Variants in TMEFF2 observed in about 807,000 individuals in gnomAD.
TMEFF2 encodes the protein tomoregulin-2.
TMEFF2 carries 28 observed loss-of-function variants against 53.8 expected under a neutral mutation model. The ratio of observed to expected loss-of-function variants is 0.52; its 90% CI spans 0.39 to 0.71. TMEFF2 has a LOEUF of 0.71. Ranked by LOEUF, TMEFF2 falls within the 30% of genes least tolerant of loss-of-function variation. TMEFF2 has a pLI of 0.00. For synonymous variants in TMEFF2, 162 were observed against 166.3 expected, an observed-to-expected ratio of 0.97 and a Z score of 0.20; for missense variants, 353 against 455.2, an observed-to-expected ratio of 0.78 and a Z score of 2.04.
Position 192,184,353 on chromosome 2 carries a change from C to T in TMEFF2, c.412+1G>A. ...GGTTTCAAAGAAGATCACACACATACCTGTGGCACATGATCCTTCTGACAC... is the reference window on the plus strand; with the variant it reads ...GGTTTCAAAGAAGATCACACACATATCTGTGGCACATGATCCTTCTGACAC... On this transcript the variant is annotated splice_donor_variant, in intron 3 of 9. Transcript: ENST00000272771. LOFTEE classifies it high-confidence loss of function. 1 of 1,612,962 alleles carries T rather than the reference C, an allele frequency of 6.2e-7. No individual in the cohort carries two copies. Among genetic ancestry groups the T allele is most frequent in the Non-Finnish European group, 8.5e-7 (1 of 1,179,278 alleles).
Position 192,052,097 on chromosome 2 carries a change from G to A in TMEFF2, c.536+5582C>T, listed in dbSNP as rs560101299. On this transcript the variant is annotated intron_variant, in intron 5 of 9. Coordinates refer to ENST00000272771, the MANE Select transcript of TMEFF2 (RefSeq NM_016192.4). ...TGATATCGCTAATGGAGCCTGAGTG[G>A]CATGTAGAGAATACTACAAAAGCAA... 2.0e-5 allele frequency among the ~76,000 whole-genome samples: 3 copies of A among 152,236 alleles called. No individual in the cohort carries two copies. In the South Asian group the frequency reaches 6.2e-4, roughly 32 times the overall value.
At chr2:192,079,277 G>A (rs555415163) in intron 4 of TMEFF2, among the ~76,000 whole-genome samples, 28 of 152,182 alleles carry the variant, frequency 1.8e-4, no homozygotes, top group Non-Finnish European at 3.7e-4. Flanking sequence ...TTACATGATG[G>A]TCTCAGCTTT....
chr2:192,029,409 T>C (rs1194732321), intron 5 of TMEFF2: 1 of 152,170 alleles, frequency 6.6e-6, no homozygotes, highest in Non-Finnish European at 1.5e-5. Context: ...GTATAAACAT[T>C]GTTGTTTTAA....
intron 4 of TMEFF2, among the ~76,000 whole-genome samples, chr2:192,172,657 A>C (rs1690944738): frequency 6.6e-6 from 1 of 151,966 alleles, no homozygotes; most frequent in African/African-American, 2.4e-5. Context: ...AATAGTTGGC[A>C]ATCATTAAGT....
chr2:192,133,920 T>A (rs1223949619), intron 4 of TMEFF2, among the ~76,000 whole-genome samples: 1 of 152,118 alleles, frequency 6.6e-6, no homozygotes, highest in Non-Finnish European at 1.5e-5. Context: ...CCTCAATCCC[T>A]TACAAAACAA....
intron 4 of TMEFF2, among the ~76,000 whole-genome samples, chr2:192,074,274 A>C (rs1446943743): frequency 1.3e-5 from 2 of 152,010 alleles, no homozygotes; most frequent in Non-Finnish European, 2.9e-5. Context: ...ATTTAGTTTT[A>C]ACATTTTAAA....
intron 7 of TMEFF2, among the ~76,000 whole-genome samples, chr2:191,970,300 T>C (rs1163368304): frequency 1.3e-5 from 2 of 151,980 alleles, no homozygotes; most frequent in African/African-American, 4.8e-5. Flanking sequence ...CTGTCTTTGG[T>C]AGATCCATGT....
chr2:191,975,603 G>C (rs1381264765), intron 7 of TMEFF2, among the ~76,000 whole-genome samples: 1 of 151,962 alleles, frequency 6.6e-6, no homozygotes, highest in East Asian at 2.0e-4. Context: ...AACTTCTTTA[G>C]TAGTTTTATT....
intron 4 of TMEFF2, among the ~76,000 whole-genome samples, chr2:192,147,849 CAAAT>C (rs945532076): frequency 2.6e-5 from 4 of 151,830 alleles, no homozygotes; most frequent in East Asian, 1.9e-4. Flanking sequence ...CCCCAAGGTA[CAAAT>C]AAATAGATAC....
intron 5 of TMEFF2, among the ~76,000 whole-genome samples, chr2:192,056,055 TA>T (rs1315358930): frequency 6.6e-6 from 1 of 152,162 alleles, no homozygotes; most frequent in Non-Finnish European, 1.5e-5. Flanking sequence ...AATCTTCACT[TA>T]AAAAATATTT....
intron 7 of TMEFF2, among the ~76,000 whole-genome samples, chr2:191,983,042 C>G (rs1418994314): frequency 6.6e-6 from 1 of 152,118 alleles, no homozygotes; most frequent in Non-Finnish European, 1.5e-5. Context: ...GGTGGGAACT[C>G]TGGCCTCCAG....
intron 5 of TMEFF2, chr2:192,034,700 T>C (rs1376045403): frequency 6.6e-6 from 1 of 152,250 alleles, no homozygotes; most frequent in Admixed American, 6.5e-5. Context: ...ATAGGCATTG[T>C]GGCTCTGGAG....
chr2:191,956,349 T>G lies in TMEFF2; in HGVS notation c.775A>C (p.Arg259=). The change falls in exon 8 of 10, where the codon AGA becomes CGA. Residue 259 remains arginine, a synonymous_variant. Coordinates refer to ENST00000272771, the MANE Select transcript of TMEFF2 (RefSeq NM_016192.4). ...TCCGGACAAGGTATGTGGTGTTCTCTGGCACTTTCTTCTAATTTGTTAGCA... is the reference window on the plus strand; with the variant it reads ...TCCGGACAAGGTATGTGGTGTTCTCGGGCACTTTCTTCTAATTTGTTAGCA... ...ENANKLEESA[R]EHHIPCPEHY... The G allele has an allele frequency of 1.2e-6, 2 of 1,613,884 alleles. 1 individual carries two copies. Among genetic ancestry groups the G allele is most frequent in the Non-Finnish European group, 1.7e-6 (2 of 1,179,914 alleles).
At chr2:192,124,590 C>T (rs1689632798) in intron 4 of TMEFF2, among the ~76,000 whole-genome samples, 1 of 152,148 alleles carries the variant, frequency 6.6e-6, no homozygotes, top group Admixed American at 6.5e-5. Flanking sequence ...CCAGGATCTT[C>T]TGGATGGATA....
Position 191,973,608 on chromosome 2 carries a change from C to A in TMEFF2, c.746-17230G>T, listed in dbSNP as rs574572640. ...GGCTAAAGGCAGAGAACTCCAGAAG[C>A]CATGTGTGTCTCCTAAAAATCTACT... On this transcript the variant is annotated intron_variant, in intron 7 of 9. Transcript: ENST00000272771. Among the ~76,000 whole-genome samples, 8 of 152,122 alleles carry A rather than the reference C, an allele frequency of 5.3e-5. No individual in the cohort carries two copies. In the South Asian group the frequency reaches 1.7e-3, roughly 32 times the overall value.
chr2:192,048,134 T>A (rs755347294), intron 5 of TMEFF2, among the ~76,000 whole-genome samples: 3 of 151,790 alleles, frequency 2.0e-5, no homozygotes, highest in African/African-American at 2.4e-5. Context: ...AGATCACAAA[T>A]GTTAGGACAG....
intron 5 of TMEFF2, among the ~76,000 whole-genome samples, chr2:192,025,376 GTTT>G (rs5837273): frequency 4.8e-5 from 7 of 146,098 alleles, no homozygotes; most frequent in African/African-American, 1.7e-4. Context: ...TAACAGAAGG[GTTT>G]TTTTTTTTTT....
chr2:192,016,433 C>G (rs1206813783), intron 5 of TMEFF2, among the ~76,000 whole-genome samples: 2 of 152,176 alleles, frequency 1.3e-5, no homozygotes, highest in Non-Finnish European at 2.9e-5. Flanking sequence ...GGCACTCAAT[C>G]AAATGACTAA....
intron 4 of TMEFF2, among the ~76,000 whole-genome samples, chr2:192,099,884 G>C (rs142935360): frequency 6.3e-4 from 96 of 151,198 alleles, no homozygotes; most frequent in African/African-American, 2.1e-3. Context: ...AATATAGACA[G>C]CTTTTGGTTT....
Sources: gnomAD v4.1 joint callset for allele counts (sites outside exome capture counted in the v4.1 genomes callset) on GRCh38, gnomAD v4.1.1 for gene constraint, MANE v1.5 for transcripts, NCBI Gene and HGNC (gene_info 2026-07-23, HGNC 2026-07-21) for gene names.